Variants in PILRA observed in about 807,000 individuals in gnomAD.
PILRA encodes the protein paired immunoglobulin-like type 2 receptor alpha.
Under a neutral mutation model 33.1 loss-of-function variants are expected in PILRA, and 37 were observed. The ratio of observed to expected loss-of-function variants is 1.12; its 90% CI spans 0.86 to 1.47. The LOEUF is 1.47. Among genes scored for constraint, PILRA ranks in the 40% most tolerant of loss-of-function variants. PILRA has a pLI of 0.00. For missense variants in PILRA, 312 were observed against 376.2 expected, an observed-to-expected ratio of 0.83 and a Z score of 1.41; for synonymous variants, 146 against 149.9, an observed-to-expected ratio of 0.97 and a Z score of 0.19.
chr7:100,371,463 T>TGG (rs1790810208), upstream of PILRA, among the ~76,000 whole-genome samples: 1 of 151,870 alleles, frequency 6.6e-6, no homozygotes, highest in Non-Finnish European at 1.5e-5. Context: ...GCAGGAACGG[T>TGG]GGGTGCCAAG....
chr7:100,377,875 T>C (rs978674308), intron 2 of PILRA, among the ~76,000 whole-genome samples: 2 of 152,232 alleles, frequency 1.3e-5, no homozygotes, highest in Non-Finnish European at 2.9e-5. Context: ...TGCTTCTCTA[T>C]TGATACATTA....
upstream of PILRA, among the ~76,000 whole-genome samples, chr7:100,373,190 T>G (rs768224792): frequency 2.0e-5 from 3 of 151,980 alleles, no homozygotes; most frequent in Non-Finnish European, 4.4e-5. Flanking sequence ...GGACTGAATC[T>G]GGGGCGCAGA....
intron 2 of PILRA, chr7:100,374,681 C>T (rs1193073369): frequency 8.9e-6 from 5 of 563,512 alleles, no homozygotes; most frequent in Non-Finnish European, 1.6e-5. Context: ...CGCCCCCACT[C>T]CTCAGGCCTC....
chr7:100,384,238 G>C (rs1056545137), intron 2 of PILRA, among the ~76,000 whole-genome samples: 1 of 151,804 alleles, frequency 6.6e-6, no homozygotes, highest in Non-Finnish European at 1.5e-5. Context: ...GGAAGAACGG[G>C]TTTAGGGGGA....
At chr7:100,377,202 T>A (rs1433976672) in intron 2 of PILRA, among the ~76,000 whole-genome samples, 3 of 151,808 alleles carry the variant, frequency 2.0e-5, no homozygotes, top group Non-Finnish European at 4.4e-5. Context: ...CCAAACCTAA[T>A]TGTGTTCTTC....
chr7:100,394,136 G>C (rs1477132981), intron 3 of PILRA, among the ~76,000 whole-genome samples: 1 of 152,204 alleles, frequency 6.6e-6, no homozygotes, highest in East Asian at 1.9e-4. Context: ...AAGTGTGGCA[G>C]AAAGACAGGA....
At position 100,399,581 on chromosome 7, in the gene PILRA, G is replaced by A. The variant is rs1231364789; in HGVS notation, c.758G>A (p.Gly253Glu). The A allele has an allele frequency of 1.9e-6, 3 of 1,614,010 alleles. No individual in the cohort carries two copies. The highest frequency in any genetic ancestry group is 1.7e-6 in the Non-Finnish European group (2 of 1,180,002). Residue 253 changes from glycine (G) to glutamate (E), a missense_variant and splice_region_variant, in exon 6 of 7, where the codon GGA (glycine) becomes GAA (glutamate). Transcript: ENST00000198536. Reference protein sequence around the residue: ...EEPYENIRNEGQNTDPKLNPK... With the variant: ...EEPYENIRNEEQNTDPKLNPK... ...GGCACACCTTGCTTTTTATTCTTAGGACAAAATACAGATCCCAAGCTAAAT... is the reference window on the plus strand; with the variant it reads ...GGCACACCTTGCTTTTTATTCTTAGAACAAAATACAGATCCCAAGCTAAAT...
chr7:100,387,792 T>C (rs1563119995), intron 2 of PILRA, among the ~76,000 whole-genome samples: 1 of 152,202 alleles, frequency 6.6e-6, no homozygotes, highest in Non-Finnish European at 1.5e-5. Flanking sequence ...CTGGCTTTTG[T>C]TGTCATTAGG....
chr7:100,390,440 G>C (rs1316439245), intron 3 of PILRA, among the ~76,000 whole-genome samples: 1 of 152,178 alleles, frequency 6.6e-6, no homozygotes, highest in Non-Finnish European at 1.5e-5. Flanking sequence ...AGAGCAGAAG[G>C]GACCAGAAGT....
intron 3 of PILRA, among the ~76,000 whole-genome samples, chr7:100,390,642 AG>A (rs1199377369): frequency 6.6e-6 from 1 of 152,176 alleles, no homozygotes; most frequent in Non-Finnish European, 1.5e-5. Context: ...AAGGGTGGGA[AG>A]AAGGAGAGGT....
intron 3 of PILRA, among the ~76,000 whole-genome samples, chr7:100,396,666 A>G (rs1042016781): frequency 1.3e-5 from 2 of 152,200 alleles, no homozygotes; most frequent in Non-Finnish European, 1.5e-5. Flanking sequence ...AAATAAAGAA[A>G]AAAAGAAATT....
intron 3 of PILRA, among the ~76,000 whole-genome samples, chr7:100,394,387 A>G (rs1223673657): frequency 6.6e-6 from 1 of 152,146 alleles, no homozygotes; most frequent in Non-Finnish European, 1.5e-5. Flanking sequence ...AAAAACAGAA[A>G]CAAAACAAAC....
upstream of PILRA, among the ~76,000 whole-genome samples, chr7:100,373,171 C>T (rs1197790687): frequency 1.3e-5 from 2 of 152,144 alleles, no homozygotes; most frequent in Non-Finnish European, 2.9e-5. Context: ...TCCTTCTCCT[C>T]CTCTCTGAGG....
intron 2 of PILRA, among the ~76,000 whole-genome samples, chr7:100,380,487 T>C (rs923744480): frequency 6.6e-6 from 1 of 152,014 alleles, no homozygotes; most frequent in African/African-American, 2.4e-5. Context: ...TAAGATACAA[T>C]AGCAAAAATA....
At chr7:100,398,846 A>G (rs1441569894) in intron 4 of PILRA, among the ~76,000 whole-genome samples, 1 of 151,988 alleles carries the variant, frequency 6.6e-6, no homozygotes, top group East Asian at 1.9e-4. Context: ...CCGAGTCTAA[A>G]ACCATCACAC....
At chr7:100,388,516 T>C (rs1563120251) in intron 2 of PILRA, among the ~76,000 whole-genome samples, 2 of 151,680 alleles carry the variant, frequency 1.3e-5, no homozygotes, top group Admixed American at 1.3e-4. Flanking sequence ...GCAGATCACC[T>C]GAAGTCAGGA....
At position 100,373,489 on chromosome 7, in the gene PILRA, C is replaced by G. The variant is rs1790862868; in HGVS notation, c.-168C>G. The G allele has an allele frequency of 7.0e-6, 5 of 714,148 alleles. No homozygotes were observed. Among genetic ancestry groups the G allele is most frequent in the Admixed American group, 2.2e-5 (1 of 44,476 alleles). The allele number at this position is 714,148 out of a possible 1,614,324, so 44.2% of individuals were successfully genotyped here. On this transcript the variant is annotated 5_prime_UTR_variant, in exon 1 of 7. Coordinates refer to ENST00000198536, the MANE Select transcript of PILRA (RefSeq NM_013439.3). ...GATGGATAAAGGAAGTGCTGGTCACCCTGGAGGTGCACTGGTTTGGGGAAG... is the reference window on the plus strand; with the variant it reads ...GATGGATAAAGGAAGTGCTGGTCACGCTGGAGGTGCACTGGTTTGGGGAAG...
Position 100,399,819 on chromosome 7 carries a change from C to G in PILRA, c.824C>G (p.Ser275Cys). ...ATCGTCTATGCTTCCCTTGCCCTCT[C>G]CAGCTCCACCTCACCCAGAGCACCT... The part of the protein sequence containing the change: ...DGIVYASLAL[S>C]SSTSPRAPPS... Residue 275 changes from serine (S) to cysteine (C), a missense_variant, in exon 7 of 7, where the codon TCC (serine) becomes TGC (cysteine). Ser to Cys is a moderately radical substitution (Grantham distance 112). Transcript: ENST00000198536. The G allele has an allele frequency of 1.2e-6, 2 of 1,613,204 alleles. No individual in the cohort carries two copies. Among genetic ancestry groups the G allele is most frequent in the South Asian group, 1.1e-5 (1 of 90,944 alleles).
chr7:100,394,769 G>A (rs1791461844), intron 3 of PILRA, among the ~76,000 whole-genome samples: 1 of 152,092 alleles, frequency 6.6e-6, no homozygotes, highest in South Asian at 2.1e-4. Flanking sequence ...ATGGCATTGG[G>A]AAAACTGAAT....
Sources: gnomAD v4.1 joint callset for allele counts (sites outside exome capture counted in the v4.1 genomes callset) on GRCh38, gnomAD v4.1.1 for gene constraint, MANE v1.5 for transcripts, NCBI Gene and HGNC (gene_info 2026-07-23, HGNC 2026-07-21) for gene names.